The following REXO1 variants were observed in gnomAD, a reference collection of about 807,000 sequenced individuals.
REXO1 encodes the protein REX1, RNA exonuclease 1 homolog.
A neutral mutation model predicts 102.6 loss-of-function variants in REXO1; 42 were observed. The observed-to-expected ratio is 0.41, with a 90% confidence interval of 0.32 to 0.53. The LOEUF is 0.53. Ranked by LOEUF, REXO1 falls within the 20% of genes least tolerant of loss-of-function variation. The probability of loss-of-function intolerance (pLI) is 0.27; values close to 1 mark genes in which losing one functional copy is unlikely to be tolerated. For missense variants in REXO1, 1,819 were observed against 1,732.5 expected (o/e 1.05, Z -0.89); for synonymous variants, 908 against 779.1 (o/e 1.17, Z -2.76).
intron 1 of REXO1, among the ~76,000 whole-genome samples, chr19:1,834,284 G>A (rs2069980456): frequency 6.6e-6 from 1 of 152,184 alleles, no homozygotes; most frequent in Admixed American, 6.5e-5. Context: ...CCCAAAAGGT[G>A]CTTTTGGAAG....
In REXO1 at chr19:1,837,394, C is replaced by T. The variant is rs541280256; in HGVS notation, c.158-8763G>A. Among the ~76,000 whole-genome samples the T allele has an allele frequency of 1.9e-4, 29 of 152,332 alleles. 1 individual carries two copies. In the South Asian group the frequency reaches 3.5e-3, roughly 18 times the overall value. ...GCACAGCCCACTGGACAGATAGGAA[C>T]CCGCTGCTCAGAGGCAAAGGGACCA... is the stretch of plus-strand genomic sequence containing the variant. On this transcript the variant is annotated intron_variant, in intron 1 of 15. Transcript: ENST00000170168.
rs1449679318 is a variant in REXO1, at chr19:1,830,971, C to A, written c.158-2340G>T. ...GTGCGCCCTGGAGGGACCTCCAAGT[C>A]ACACTGCTATGGGGAAGAAGAGGGG... On this transcript the variant is annotated intron_variant, in intron 1 of 15. Coordinates refer to ENST00000170168, the MANE Select transcript of REXO1 (RefSeq NM_020695.4). The A allele has an allele frequency of 2.6e-5, 4 of 153,148 alleles. No individual in the cohort carries two copies. In the Admixed American group the frequency reaches 2.6e-4, roughly 10 times the overall value. The allele number at this position is 153,148 out of a possible 1,614,324, so 9.5% of individuals were successfully genotyped here.
rs747344119 is a variant in REXO1 at position 1,827,710 on chromosome 19, G to C, written c.1079C>G (p.Ala360Gly). ...QPPPAKPASP[A>G]QVQSSQDGGC... ...CCCATCCTGTGAGGACTGGACCTGGGCTGGGGAGGCGGGCTTGGCTGGGGG... is the reference window on the plus strand; with the variant it reads ...CCCATCCTGTGAGGACTGGACCTGGCCTGGGGAGGCGGGCTTGGCTGGGGG... Residue 360 changes from alanine to glycine, a missense_variant, in exon 2 of 16, where the codon GCC becomes GGC. Coordinates refer to ENST00000170168, the MANE Select transcript of REXO1 (RefSeq NM_020695.4). The C allele has an allele frequency of 1.3e-6, 2 of 1,571,260 alleles. No individual in the cohort carries two copies. Among genetic ancestry groups the C allele is most frequent in the South Asian group, 2.3e-5 (2 of 86,914 alleles).
In REXO1 at chr19:1,827,132, C is replaced by T. The variant is rs529754882; in HGVS notation, c.1657G>A (p.Asp553Asn). Residue 553 changes from aspartate (D) to asparagine (N), a missense_variant, in exon 2 of 16, where the codon GAC becomes AAC. Physicochemically the swap from Asp to Asn is conservative, Grantham distance 23 (BLOSUM62 1). Coordinates refer to ENST00000170168, the MANE Select transcript of REXO1 (RefSeq NM_020695.4). Reference protein sequence around the residue: ...LPSLSSDSDSDSDSSLGFPEA... With the variant: ...LPSLSSDSDSNSDSSLGFPEA... ...GGGAAGCCCAGGCTGGAGTCTGAGT[C>T]GGAGTCTGAGTCCGAGCTGAGGCTG... 69 of 1,542,276 alleles carry T rather than the reference C, an allele frequency of 4.5e-5. No homozygotes were observed. In the Admixed American group the frequency reaches 7.3e-4, roughly 16 times the overall value.
At chr19:1,839,150 G>C (rs1177877764) in intron 1 of REXO1, among the ~76,000 whole-genome samples, 1 of 151,914 alleles carries the variant, frequency 6.6e-6, no homozygotes, top group Non-Finnish European at 1.5e-5. Context: ...CAGCTACTCG[G>C]GAGGCTGAGG....
chr19:1,815,902 G>A lies in REXO1; in HGVS notation c.*164C>T. ...AGGGGTGCGGCAGGACGTGAGCGGG[G>A]GTGGGCTGGGCTGGGCGTTCTCTGG... On this transcript the variant is annotated 3_prime_UTR_variant, in exon 16 of 16. Transcript: ENST00000170168. This position sits in a 1 kb window ranked among gnomAD's most constrained non-coding sequence, Gnocchi z 4.0. 6.5e-7 allele frequency: 1 copy of A among 1,533,170 alleles called. No individual in the cohort carries two copies. Among genetic ancestry groups the A allele is most frequent in the Non-Finnish European group, 8.7e-7 (1 of 1,145,618 alleles). The allele number at this position is 1,533,170 out of a possible 1,614,324, so 95.0% of individuals were successfully genotyped here.
At chr19:1,846,173 A>C (rs2011528073) in intron 1 of REXO1, among the ~76,000 whole-genome samples, 2 of 152,196 alleles carry the variant, frequency 1.3e-5, no homozygotes, top group Non-Finnish European at 2.9e-5. Flanking sequence ...GACATGGCAA[A>C]GGCTAGATCA....
chr19:1,839,010 T>A (rs2011186535), intron 1 of REXO1, among the ~76,000 whole-genome samples: 1 of 151,896 alleles, frequency 6.6e-6, no homozygotes, highest in Non-Finnish European at 1.5e-5. Flanking sequence ...ATCCCAGCAC[T>A]TCGGAAAGCT....
rs753467170 is a variant in REXO1, at chr19:1,827,466, A to C, written c.1323T>G (p.Thr441=). The change falls in exon 2 of 16, where the codon ACT becomes ACG. Residue 441 remains threonine, a synonymous_variant. Transcript: ENST00000170168. ...EGTKKKPSSA[T]PVATSGKGRP... Reference sequence around the variant, plus strand: ...TCCCTTTCCCTGAGGTGGCCACAGGAGTGGCCGAAGATGGCTTCTTCTTGG... The same window carrying C: ...TCCCTTTCCCTGAGGTGGCCACAGGCGTGGCCGAAGATGGCTTCTTCTTGG... 3.2e-6 allele frequency: 5 copies of C among 1,571,052 alleles called. No homozygotes were observed. Among genetic ancestry groups the C allele is most frequent in the Non-Finnish European group, 4.3e-6 (5 of 1,169,510 alleles).
At chr19:1,817,534 G>A (rs1034070964) in intron 11 of REXO1, 173 bp downstream of exon 11, 3 of 1,464,830 alleles carry the variant, frequency 2.0e-6, no homozygotes, top group South Asian at 2.8e-5. Flanking sequence ...AAGTGGCCAG[G>A]GACAGGGCCT....
In REXO1 at chr19:1,819,936, C is replaced by T; in HGVS notation, c.2648G>A (p.Ser883Asn). The T allele has an allele frequency of 6.3e-7, 1 of 1,577,842 alleles. No homozygotes were observed. The highest frequency in any genetic ancestry group is 8.6e-7 in the Non-Finnish European group (1 of 1,165,126). ...GLAPSAVPGL[S>N]KTSGRRVVSH... ...CCCGCCCACCCGCCAGGACTCACTGCTGAGGCCGGGCACAGCGCTGGGGGC... is the reference window on the plus strand; with the variant it reads ...CCCGCCCACCCGCCAGGACTCACTGTTGAGGCCGGGCACAGCGCTGGGGGC... The change falls in exon 7 of 16, where the codon AGC becomes AAC. Residue 883 changes from serine to asparagine, a missense_variant and splice_region_variant. Coordinates refer to ENST00000170168, the MANE Select transcript of REXO1 (RefSeq NM_020695.4).
chr19:1,828,289 G>A lies in REXO1; in HGVS notation c.500C>T (p.Pro167Leu). The part of the protein sequence containing the change: ...GLLSPDAGYQ[P>L]TPLAAPAEPG... ...CTCGGCAGGGGCGGCCAGTGGGGTG[G>A]GCTGGTAGCCGGCATCAGGGCTTAA... Residue 167 changes from proline (P) to leucine (L), a missense_variant, in exon 2 of 16, where the codon CCC (proline) becomes CTC (leucine). By Grantham distance (98) the Pro-to-Leu change is moderately conservative. Transcript: ENST00000170168. The A allele has an allele frequency of 6.2e-7, 1 of 1,607,396 alleles. No homozygotes were observed. The highest frequency in any genetic ancestry group is 2.2e-5 in the East Asian group (1 of 44,724).
intron 1 of REXO1, among the ~76,000 whole-genome samples, chr19:1,846,088 C>G (rs574342990): frequency 6.6e-6 from 1 of 152,222 alleles, no homozygotes; most frequent in East Asian, 1.9e-4. Context: ...CACTCTCAAT[C>G]CTGGGAGGCC....
rs1177902083 is a variant in REXO1 at position 1,848,058 on chromosome 19, T to G, written c.157+144A>C. The G allele has an allele frequency of 2.2e-5, 9 of 400,176 alleles. 1 individual carries two copies. Among genetic ancestry groups the G allele is most frequent in the Middle Eastern group, 6.3e-4 (1 of 1,584 alleles). 24.8% of individuals were successfully genotyped at this position (400,176 alleles called of 1,614,324 possible). A position where few individuals can be genotyped will look rare whatever the true frequency, so the allele number is the denominator to read the frequency against. On this transcript the variant is annotated intron_variant, in intron 1 of 15. Coordinates refer to ENST00000170168, the MANE Select transcript of REXO1 (RefSeq NM_020695.4). Reference sequence around the variant, plus strand: ...TGCACCGGGTCCCAGGGTGGGTGGTTCCGGTCCCGACTGGGAAAACCGTCG... The same window carrying G: ...TGCACCGGGTCCCAGGGTGGGTGGTGCCGGTCCCGACTGGGAAAACCGTCG...
At chr19:1,834,872 C>A in intron 1 of REXO1, 2 of 294,750 alleles carry the variant, frequency 6.8e-6, no homozygotes, top group Non-Finnish European at 7.6e-6. Context: ...TAGGCGGGTC[C>A]GAGAAGACTG....
In REXO1 at chr19:1,818,764, G is replaced by A. The variant is rs1300279507; in HGVS notation, c.2844C>T (p.His948=). 1.2e-6 allele frequency: 2 copies of A among 1,610,516 alleles called. No homozygotes were observed. Among genetic ancestry groups the A allele is most frequent in the Non-Finnish European group, 8.5e-7 (1 of 1,179,896 alleles). The change falls in exon 9 of 16, where the codon CAC becomes CAT. Residue 948 remains histidine (H), a synonymous_variant. Transcript: ENST00000170168. ...QLKENGYPFP[H]PERPGGAIIF... is the part of the protein sequence containing the mutation. The stretch of plus-strand genomic sequence containing the variant: ...TGATTGCGCCCCCGGGCCGCTCTGG[G>A]TGCGGGAAGGGGTAGCCGTTCTCCT...
rs749270163 is a variant in REXO1 at position 1,819,076 on chromosome 19, G to C, written c.2706C>G (p.Ala902=). The C allele has an allele frequency of 1.3e-6, 2 of 1,599,374 alleles. No individual in the cohort carries two copies. Among genetic ancestry groups the C allele is most frequent in the South Asian group, 1.1e-5 (1 of 89,760 alleles). The change falls in exon 8 of 16, where the codon GCC becomes GCG. Residue 902 remains alanine, a synonymous_variant. Coordinates refer to ENST00000170168, the MANE Select transcript of REXO1 (RefSeq NM_020695.4). ...GGCTGAGCGAGAAGCTGGTCTTGGC[G>C]GCCAACCTGCCCCCCAACACCACCT... ...SHEVVLGGRL[A]AKTSFSLSRP...
At position 1,816,016 on chromosome 19, in the gene REXO1, G is replaced by A; in HGVS notation, c.*50C>T. ...TGCACTGTTTTGGAAGAGGCATGGG[G>A]CTAAGGACCAGCGGGACGGCAGGAG... On this transcript the variant is annotated 3_prime_UTR_variant, in exon 16 of 16. Transcript: ENST00000170168. The A allele has an allele frequency of 3.2e-6, 5 of 1,538,892 alleles. No homozygotes were observed. Among genetic ancestry groups the A allele is most frequent in the Non-Finnish European group, 4.4e-6 (5 of 1,147,158 alleles).
intron 1 of REXO1, among the ~76,000 whole-genome samples, chr19:1,833,700 C>G (rs2069965541): frequency 6.6e-6 from 1 of 152,212 alleles, no homozygotes. Flanking sequence ...CCTCCCTGAC[C>G]CAGCCGGCTG....
Sources: gnomAD v4.1 joint callset for allele counts (sites outside exome capture counted in the v4.1 genomes callset) on GRCh38, gnomAD v4.1.1 for gene constraint, Gnocchi (gnomAD v3.1) non-coding constraint, MANE v1.5 for transcripts, NCBI Gene and HGNC (gene_info 2026-07-23, HGNC 2026-07-21) for gene names.